ARHGEF9: variants seen among roughly 807,000 people sequenced by gnomAD.
ARHGEF9 encodes Cdc42 guanine nucleotide exchange factor 9.
ARHGEF9 carries 2 observed loss-of-function variants against 41.3 expected under a neutral mutation model. The ratio of observed to expected loss-of-function variants is 0.05; its 90% confidence interval spans 0.02 to 0.15. The LOEUF (loss-of-function observed/expected upper bound fraction) is 0.15, where lower values mean the gene tolerates loss of function less well. Among genes scored for constraint, ARHGEF9 ranks in the 10% least tolerant of loss-of-function variants. The probability of loss-of-function intolerance (pLI) is 1.00; values close to 1 mark genes in which losing one functional copy is unlikely to be tolerated. For missense variants in ARHGEF9, 225 were observed against 424.7 expected (o/e 0.53, Z 4.13); for synonymous variants, 160 against 154.4 (o/e 1.04, Z -0.27).
At chrX:63,693,369 TG>T (rs1382665195) in intron 4 of ARHGEF9, among the ~76,000 whole-genome samples, 1 of 111,102 alleles carries the variant, frequency 9.0e-6, no homozygotes, top group African/African-American at 3.3e-5. Flanking sequence ...CCCAGCAATT[TG>T]GGAGGCCAAG....
intron 8 of ARHGEF9, among the ~76,000 whole-genome samples, chrX:63,646,229 T>C (rs2048052756): frequency 8.9e-6 from 1 of 111,974 alleles, no homozygotes; most frequent in Non-Finnish European, 1.9e-5. Context: ...AGCTCTTTAG[T>C]TTCATTAGAT....
chrX:63,767,381 G>A, intron 1 of ARHGEF9: 1 of 492,216 alleles, frequency 2.0e-6, no homozygotes, highest in Non-Finnish European at 3.6e-6. Flanking sequence ...AGAAGTTACT[G>A]GGAGCTGCTA....
intron 1 of ARHGEF9, among the ~76,000 whole-genome samples, chrX:63,783,148 C>T (rs1312963778): frequency 1.8e-5 from 2 of 112,082 alleles, no homozygotes; most frequent in African/African-American, 6.5e-5. Context: ...ATTAATTTAA[C>T]CTGTTGTCAA....
At chrX:63,643,595 T>A (rs1258753299) in intron 9 of ARHGEF9, among the ~76,000 whole-genome samples, 1 of 110,686 alleles carries the variant, frequency 9.0e-6, no homozygotes, top group African/African-American at 3.3e-5. Context: ...TCCGCCTGCC[T>A]CGGCCTCCCA....
chrX:63,685,617 T>A (rs782503778), intron 4 of ARHGEF9, among the ~76,000 whole-genome samples: 28 of 112,134 alleles, frequency 2.5e-4, no homozygotes, highest in Non-Finnish European at 4.7e-4. Context: ...ACAAGAATAG[T>A]CATATAGATC....
At chrX:63,688,122 A>C (rs1248989613) in intron 4 of ARHGEF9, among the ~76,000 whole-genome samples, 9 of 111,819 alleles carry the variant, frequency 8.0e-5, no homozygotes, top group Non-Finnish European at 1.7e-4. Context: ...AGAGAAAAGA[A>C]GCAAATAACA....
At chrX:63,751,825 CAG>C (rs1189417452) in intron 1 of ARHGEF9, among the ~76,000 whole-genome samples, 1 of 110,701 alleles carries the variant, frequency 9.0e-6, no homozygotes, top group Non-Finnish European at 1.9e-5. Flanking sequence ...CATCCACACT[CAG>C]GAGTGTGCTC....
In ARHGEF9 at chrX:63,717,207, C is replaced by T. The variant is rs2053360849; in HGVS notation, c.210+7325G>A. 3.6e-5 allele frequency among the ~76,000 whole-genome samples: 4 copies of T among 112,355 alleles called. No individual in the cohort carries two copies. In the South Asian group the frequency reaches 1.5e-3, roughly 41 times the overall value. ...GGTTCCTACATATAACACAATGTTCCACCATTTATTTGTTCCTAAATGGAA... is the reference window on the plus strand; with the variant it reads ...GGTTCCTACATATAACACAATGTTCTACCATTTATTTGTTCCTAAATGGAA... On this transcript the variant is annotated intron_variant, in intron 2 of 9. Transcript: ENST00000671741.
chrX:63,780,740 G>A (rs563869110), intron 1 of ARHGEF9, among the ~76,000 whole-genome samples: 9 of 111,111 alleles, frequency 8.1e-5, no homozygotes, highest in Non-Finnish European at 1.3e-4. Context: ...TCCTTTAATC[G>A]ACACTTTATT....
chrX:63,722,940 A>C lies in ARHGEF9; in HGVS notation c.210+1592T>G, dbSNP rs1364280761. ...TTGGATATTTCATTAGAAGATTCTC[A>C]TGATAGAAGGGAATGAGAGGTAATT... On this transcript the variant is annotated intron_variant, in intron 2 of 9. Coordinates refer to ENST00000671741, the MANE Select transcript of ARHGEF9 (RefSeq NM_001353921.2). 6 of 111,763 alleles carry C rather than the reference A, an allele frequency of 5.4e-5. No homozygotes were observed. In the Admixed American group the frequency reaches 5.7e-4, roughly 11 times the overall value. The allele number at this position is 111,763 out of a possible 1,213,427, so 9.2% of individuals were successfully genotyped here. A position where few individuals can be genotyped will look rare whatever the true frequency, so the allele number is the denominator to read the frequency against.
chrX:63,651,454 G>GGCATTTAAA (rs1212561958), intron 8 of ARHGEF9, among the ~76,000 whole-genome samples: 2 of 110,880 alleles, frequency 1.8e-5, no homozygotes, highest in Non-Finnish European at 3.8e-5. Flanking sequence ...TATGAAAAAT[G>GGCATTTAAA]GCATTTAAAC....
intron 6 of ARHGEF9, among the ~76,000 whole-genome samples, chrX:63,673,511 C>T (rs144501419): frequency 1.3e-4 from 14 of 110,861 alleles, no homozygotes; most frequent in African/African-American, 4.6e-4. Flanking sequence ...ATTTTAAAAA[C>T]AGATGTGAAA....
chrX:63,636,728 G>T lies in ARHGEF9; in HGVS notation c.*1300C>A. 3.4e-6 allele frequency: 1 copy of T among 293,865 alleles called. No homozygotes were observed. Among genetic ancestry groups the T allele is most frequent in the East Asian group, 4.8e-5 (1 of 20,812 alleles). The allele number at this position is 293,865 out of a possible 1,213,427, so 24.2% of individuals were successfully genotyped here. A position where few individuals can be genotyped will look rare whatever the true frequency, so the allele number is the denominator to read the frequency against. On this transcript the variant is annotated 3_prime_UTR_variant, in exon 10 of 10. Transcript: ENST00000671741. ...AGAAGTCTCACACAATTTTAGGGTG[G>T]TAGAAAATGCAGGTACAATACTGTG...
intron 4 of ARHGEF9, among the ~76,000 whole-genome samples, chrX:63,686,833 G>A (rs1328098413): frequency 9.0e-6 from 1 of 110,830 alleles, no homozygotes; most frequent in East Asian, 2.8e-4. Flanking sequence ...CTGAAAAACT[G>A]CAAGCAAAAG....
intron 4 of ARHGEF9, among the ~76,000 whole-genome samples, chrX:63,696,722 T>A (rs1159924953): frequency 1.8e-5 from 2 of 111,188 alleles, no homozygotes; most frequent in Non-Finnish European, 3.8e-5. Flanking sequence ...TGAAGAAAAA[T>A]TCTACTGGTA....
At chrX:63,768,346 G>A (rs1391840991) in intron 1 of ARHGEF9, among the ~76,000 whole-genome samples, 1 of 112,038 alleles carries the variant, frequency 8.9e-6, no homozygotes, top group African/African-American at 3.2e-5. Context: ...ATTCCACGGT[G>A]TTTATATACC....
intron 1 of ARHGEF9, among the ~76,000 whole-genome samples, chrX:63,751,172 G>A (rs1422287954): frequency 5.4e-5 from 6 of 111,464 alleles, no homozygotes; most frequent in African/African-American, 2.0e-4. Context: ...GGAAGGGAAT[G>A]GAGGAGCTTT....
chrX:63,724,813 C>T (rs1470579254), intron 1 of ARHGEF9, 102 bp from the exon 2 acceptor site: 2 of 855,291 alleles, frequency 2.3e-6, no homozygotes, highest in Admixed American at 2.3e-5. Context: ...CTCATATACT[C>T]AAGTGGTGAG....
At chrX:63,643,735 G>A (rs187873549) in intron 9 of ARHGEF9, among the ~76,000 whole-genome samples, 18 of 109,491 alleles carry the variant, frequency 1.6e-4, no homozygotes, top group South Asian at 3.8e-4. Flanking sequence ...AAAAAAAGAG[G>A]AACAGAGGTT....
Sources: gnomAD v4.1 joint callset for allele counts (sites outside exome capture counted in the v4.1 genomes callset) on GRCh38, gnomAD v4.1.1 for gene constraint, MANE v1.5 for transcripts, NCBI Gene and HGNC (gene_info 2026-07-23, HGNC 2026-07-21) for gene names.